Variants in CBLB observed in about 807,000 individuals in gnomAD.
CBLB encodes E3 ubiquitin-protein ligase CBL-B.
A neutral mutation model predicts 104.9 loss-of-function variants in CBLB; 31 were observed. The observed-to-expected ratio is 0.30, with a 90% CI of 0.22 to 0.40. The LOEUF is 0.40. CBLB is among the 10% of genes least tolerant of loss of function. The pLI is 1.00. For missense variants in CBLB, 1,062 were observed against 1,214.6 expected (o/e 0.87, Z 1.87); for synonymous variants, 440 against 422.6 (o/e 1.04, Z -0.51).
At chr3:105,799,681 C>A (rs1457329634) in intron 3 of CBLB, among the ~76,000 whole-genome samples, 1 of 152,104 alleles carries the variant, frequency 6.6e-6, no homozygotes, top group Non-Finnish European at 1.5e-5. Flanking sequence ...TTTAAACATT[C>A]TCCTAGAGAA....
Position 105,685,324 on chromosome 3 carries a change from CAGG to C in CBLB, c.2194_2196del (p.Pro732del), listed in dbSNP as rs1156777623. Reference sequence around the variant, plus strand: ...AAAATCTGCCCATACTCTTACCGAACAGGAGGTTTTACATTATGACAATGAGAT... The same window carrying C: ...AAAATCTGCCCATACTCTTACCGAACAGGTTTTACATTATGACAATGAGAT... On this transcript the variant is annotated inframe_deletion, in exon 14 of 19. Coordinates refer to ENST00000394030, the MANE Select transcript of CBLB (RefSeq NM_170662.5). 4 of 1,613,706 alleles carry C rather than the reference CAGG, an allele frequency of 2.5e-6. No homozygotes were observed. The highest frequency in any genetic ancestry group is 3.3e-5 in the Admixed American group (2 of 60,022).
chr3:105,852,164 G>A (rs1014088501), intron 3 of CBLB, among the ~76,000 whole-genome samples: 5 of 152,148 alleles, frequency 3.3e-5, no homozygotes, highest in Admixed American at 3.3e-4. Flanking sequence ...GGCCCTTCAG[G>A]AGGTATTCCT....
intron 3 of CBLB, among the ~76,000 whole-genome samples, chr3:105,789,606 T>C (rs963321081): frequency 1.3e-5 from 2 of 152,196 alleles, no homozygotes; most frequent in Non-Finnish European, 2.9e-5. Flanking sequence ...ACTTAATTTC[T>C]ACAAGTTTTA....
intron 8 of CBLB, among the ~76,000 whole-genome samples, chr3:105,734,532 GA>G (rs35782719): frequency 0.52 from 78,857 of 150,792 alleles, 21,108 homozygotes; most frequent in Middle Eastern, 0.66. Flanking sequence ...CTGTCAAATT[GA>G]AAAAAAAATG....
intron 3 of CBLB, among the ~76,000 whole-genome samples, chr3:105,788,464 C>A (rs536133235): frequency 3.3e-4 from 50 of 152,110 alleles, no homozygotes; most frequent in Non-Finnish European, 6.3e-4. Flanking sequence ...CAAAAAAAAT[C>A]TCATAATGTT....
In CBLB at chr3:105,657,582, G is replaced by C. The variant is rs190530133; in HGVS notation, c.*1388C>G. 1.7e-4 allele frequency: 35 copies of C among 205,100 alleles called. No homozygotes were observed. Among genetic ancestry groups the C allele is most frequent in the Non-Finnish European group, 3.2e-4 (32 of 100,090 alleles). The allele number at this position is 205,100 out of a possible 1,614,324, so 12.7% of individuals were successfully genotyped here. ...AAACATTACGCTGGAATCAGCTTTTGAGAGTTTGTGCTTTAAAAACACAGT... is the reference window on the plus strand; with the variant it reads ...AAACATTACGCTGGAATCAGCTTTTCAGAGTTTGTGCTTTAAAAACACAGT... On this transcript the variant is annotated 3_prime_UTR_variant, in exon 19 of 19. Transcript: ENST00000394030.
intron 18 of CBLB, among the ~76,000 whole-genome samples, chr3:105,665,416 A>AATATATATATATAT (rs71111381): frequency 1.0e-5 from 1 of 98,668 alleles, no homozygotes; most frequent in Non-Finnish European, 1.9e-5. Context: ...TAAATAAATA[A>AATATATATATATAT]ATATATATAT....
At chr3:105,767,959 C>A (rs2078414644) in intron 4 of CBLB, among the ~76,000 whole-genome samples, 1 of 152,134 alleles carries the variant, frequency 6.6e-6, no homozygotes. Flanking sequence ...CCCAATCAAT[C>A]AAGCAAGCAG....
At chr3:105,734,424 T>C (rs1016716524) in intron 8 of CBLB, among the ~76,000 whole-genome samples, 3 of 152,196 alleles carry the variant, frequency 2.0e-5, no homozygotes, top group Non-Finnish European at 4.4e-5. Context: ...CTTGCTTCAA[T>C]AGTCATGGTG....
At chr3:105,748,444 C>T (rs1453439091) in intron 5 of CBLB, among the ~76,000 whole-genome samples, 1 of 152,184 alleles carries the variant, frequency 6.6e-6, no homozygotes. Context: ...ATACTCCGTC[C>T]TTATCCTGCT....
chr3:105,817,170 G>T (rs1045155983), intron 3 of CBLB, among the ~76,000 whole-genome samples: 1 of 152,184 alleles, frequency 6.6e-6, no homozygotes, highest in Non-Finnish European at 1.5e-5. Flanking sequence ...TTAATCTTTT[G>T]CAAGAAAAGC....
chr3:105,821,900 T>C, intron 3 of CBLB, among the ~76,000 whole-genome samples: 1 of 152,162 alleles, frequency 6.6e-6, no homozygotes, highest in East Asian at 1.9e-4. Context: ...AACAGAGATG[T>C]GAAGTCTGCA....
At chr3:105,788,891 C>T (rs913966443) in intron 3 of CBLB, among the ~76,000 whole-genome samples, 5 of 152,104 alleles carry the variant, frequency 3.3e-5, no homozygotes, top group East Asian at 1.9e-4. Context: ...AATGCTCTTG[C>T]GTTTAGCTGC....
At chr3:105,733,459 T>G (rs2074563674) in intron 9 of CBLB, among the ~76,000 whole-genome samples, 1 of 152,010 alleles carries the variant, frequency 6.6e-6, no homozygotes, top group African/African-American at 2.4e-5. Context: ...CTGCGGCAGA[T>G]GGGAAGGCAA....
intron 3 of CBLB, among the ~76,000 whole-genome samples, chr3:105,777,074 T>C (rs1249506697): frequency 6.6e-6 from 1 of 152,124 alleles, no homozygotes; most frequent in Admixed American, 6.5e-5. Context: ...AAGTATAAAA[T>C]GAAAATGTAT....
chr3:105,660,964 T>C (rs2063736133), intron 18 of CBLB, among the ~76,000 whole-genome samples: 1 of 124,490 alleles, frequency 8.0e-6, no homozygotes, highest in Admixed American at 9.0e-5. Flanking sequence ...GGATGTCTTC[T>C]TCTTTTTTTT....
At chr3:105,761,281 C>T (rs774347450) in intron 4 of CBLB, among the ~76,000 whole-genome samples, 1 of 152,214 alleles carries the variant, frequency 6.6e-6, no homozygotes, top group Non-Finnish European at 1.5e-5. Flanking sequence ...ATCCACCTGC[C>T]TTGGCCTCCC....
chr3:105,669,329 A>G (rs911360301), intron 18 of CBLB, among the ~76,000 whole-genome samples: 2 of 152,208 alleles, frequency 1.3e-5, no homozygotes, highest in Non-Finnish European at 2.9e-5. Context: ...CAGATCCCAG[A>G]GCACTCCCTT....
At chr3:105,746,676 A>G (rs2076130407) in intron 5 of CBLB, among the ~76,000 whole-genome samples, 1 of 152,156 alleles carries the variant, frequency 6.6e-6, no homozygotes, top group Non-Finnish European at 1.5e-5. Context: ...ACCTCTTGCC[A>G]TATTCTTCAC....
Sources: allele counts gnomAD v4.1 joint callset (sites outside exome capture counted in the v4.1 genomes callset), GRCh38; gene constraint gnomAD v4.1.1; transcripts MANE v1.5; gene names NCBI Gene and HGNC (gene_info 2026-07-23, HGNC 2026-07-21).